PCDHA3: variants seen among roughly 807,000 people sequenced by gnomAD.
PCDHA3 encodes protocadherin alpha 3, also known as protocadherin alpha-3.
PCDHA3 carries 41 observed loss-of-function variants against 62.2 expected under a neutral mutation model. The ratio of observed to expected loss-of-function variants is 0.66; its 90% CI spans 0.51 to 0.86. PCDHA3 has a LOEUF of 0.86. PCDHA3 is among the 40% of genes least tolerant of loss of function. The pLI is 0.00. For synonymous variants in PCDHA3, 640 were observed against 555.4 expected, an observed-to-expected ratio of 1.15 and a Z score of -2.14; for missense variants, 1,304 against 1,241.2, an observed-to-expected ratio of 1.05 and a Z score of -0.76.
At chr5:140,843,515 T>TGCCGGGCGGGC in intron 1 of PCDHA3, 1 of 1,595,536 alleles carries the variant, frequency 6.3e-7, no homozygotes, top group Non-Finnish European at 8.6e-7. Context: ...TGAGGGCGGG[T>TGCCGGGCGGGC]GCCGGGCGGG....
At chr5:140,927,381 A>G in intron 1 of PCDHA3, 2 of 1,614,102 alleles carry the variant, frequency 1.2e-6, no homozygotes, top group Non-Finnish European at 1.7e-6. Flanking sequence ...GCTACAGCCT[A>G]AGCCCCAGTC....
rs543899552 is a variant in PCDHA3 at position 140,891,287 on chromosome 5, A to T, written c.2395-87662A>T. ...AATTTTTCCGTAAGTTATTGGGGGT[A>T]CAGGTGGTATTTGATTACATGAGTA... is the stretch of plus-strand genomic sequence containing the variant. On this transcript the variant is annotated intron_variant, in intron 1 of 3. Transcript: ENST00000522353. 3.9e-5 allele frequency among the ~76,000 whole-genome samples: 6 copies of T among 152,176 alleles called. No individual in the cohort carries two copies. In the South Asian group the frequency reaches 6.2e-4, roughly 16 times the overall value.
At chr5:140,930,832 T>A (rs1375434055) in intron 1 of PCDHA3, among the ~76,000 whole-genome samples, 1 of 152,226 alleles carries the variant, frequency 6.6e-6, no homozygotes, top group East Asian at 1.9e-4. Flanking sequence ...GCTGACTGAA[T>A]GAATAAATAT....
chr5:140,919,954 T>G (rs1159524037), intron 1 of PCDHA3, among the ~76,000 whole-genome samples: 2 of 149,936 alleles, frequency 1.3e-5, no homozygotes, highest in East Asian at 4.0e-4. Context: ...AAAAGTTTGT[T>G]TTGTTTTTTA....
In PCDHA3 at chr5:141,011,084, C is replaced by T. The variant is rs928216799; in HGVS notation, c.*1147C>T. 1.3e-5 allele frequency: 2 copies of T among 153,722 alleles called. No homozygotes were observed. The highest frequency in any genetic ancestry group is 6.5e-5 in the Admixed American group (1 of 15,272). The allele number at this position is 153,722 out of a possible 1,614,324, so 9.5% of individuals were successfully genotyped here. A position where few individuals can be genotyped will look rare whatever the true frequency, so the allele number is the denominator to read the frequency against. ...CATGTATTACTAAATAAAATGATCT[C>T]TCTTTCTCTCTCTCTCTCTCTTTTC... On this transcript the variant is annotated 3_prime_UTR_variant, in exon 4 of 4. Coordinates refer to ENST00000522353, the MANE Select transcript of PCDHA3 (RefSeq NM_018906.3).
intron 1 of PCDHA3, chr5:140,824,268 T>C: frequency 8.2e-7 from 1 of 1,223,618 alleles, no homozygotes; most frequent in Non-Finnish European, 1.2e-6. Context: ...CTAATTCATG[T>C]ATTATATGCT....
intron 1 of PCDHA3, chr5:140,926,610 C>A (rs2083401767): frequency 8.5e-6 from 3 of 352,484 alleles, no homozygotes; most frequent in African/African-American, 2.1e-5. Context: ...CTCGTCTCTG[C>A]ACCCCTAGGC....
intron 1 of PCDHA3, among the ~76,000 whole-genome samples, chr5:140,973,733 C>G (rs1273705154): frequency 6.6e-6 from 1 of 152,216 alleles, no homozygotes; most frequent in Non-Finnish European, 1.5e-5. Context: ...GGCATCTGGT[C>G]TAACTCAGAA....
At chr5:141,006,313 G>A (rs190584023) in intron 3 of PCDHA3, among the ~76,000 whole-genome samples, 18 of 152,072 alleles carry the variant, frequency 1.2e-4, no homozygotes, top group Admixed American at 1.1e-3. Context: ...CCGGGTTCAT[G>A]CCATTCTCCT....
intron 1 of PCDHA3, among the ~76,000 whole-genome samples, chr5:140,878,596 G>A (rs1352519824): frequency 6.6e-6 from 1 of 152,144 alleles, no homozygotes; most frequent in South Asian, 2.1e-4. Context: ...CTATTACCAA[G>A]TGAATCTTCT....
chr5:140,919,926 TG>T (rs1366281727), intron 1 of PCDHA3, among the ~76,000 whole-genome samples: 3 of 152,088 alleles, frequency 2.0e-5, no homozygotes, highest in African/African-American at 7.2e-5. Flanking sequence ...AATTTTCAGG[TG>T]GGGGCTAATT....
chr5:140,944,003 C>A (rs1185007409), intron 1 of PCDHA3, among the ~76,000 whole-genome samples: 11 of 152,038 alleles, frequency 7.2e-5, no homozygotes, highest in African/African-American at 2.2e-4. Flanking sequence ...CTACTGAGTA[C>A]CCCCCAAAAG....
chr5:140,877,074 G>A (rs1554169286), intron 1 of PCDHA3: 1 of 1,613,132 alleles, frequency 6.2e-7, no homozygotes, highest in Non-Finnish European at 8.5e-7. Flanking sequence ...TGCAGTTCCA[G>A]GTGAGCGCGC....
intron 1 of PCDHA3, chr5:140,969,086 G>A: frequency 6.2e-7 from 1 of 1,614,190 alleles, no homozygotes; most frequent in Non-Finnish European, 8.5e-7. Context: ...TGGCCTCAAA[G>A]TGCAGCCTCA....
chr5:140,931,966 A>G (rs1554208694), intron 1 of PCDHA3, among the ~76,000 whole-genome samples: 1 of 151,950 alleles, frequency 6.6e-6, no homozygotes, highest in African/African-American at 2.4e-5. Context: ...ATGTTGATGC[A>G]TATGTGTTTA....
At chr5:140,966,208 T>G (rs993246205) in intron 1 of PCDHA3, 2 of 231,366 alleles carry the variant, frequency 8.6e-6, no homozygotes, top group Admixed American at 1.1e-4. Flanking sequence ...TTGACTGCTT[T>G]TCCCAGACTA....
chr5:140,849,581 C>A, intron 1 of PCDHA3: 7 of 1,598,698 alleles, frequency 4.4e-6, no homozygotes, highest in African/African-American at 2.7e-5. Flanking sequence ...TAAAAGAGGA[C>A]GCACAACTGG....
chr5:140,857,442 A>G (rs1554150038), intron 1 of PCDHA3: 1 of 1,598,266 alleles, frequency 6.3e-7, no homozygotes, highest in African/African-American at 1.3e-5. Flanking sequence ...TTCGTGAAGG[A>G]GAACAACCCG....
intron 1 of PCDHA3, chr5:140,928,375 T>C: frequency 6.2e-7 from 1 of 1,614,184 alleles, no homozygotes. Context: ...GCCATCAGCC[T>C]CTAGCTTGCT....
Sources: gnomAD v4.1 joint callset for allele counts (sites outside exome capture counted in the v4.1 genomes callset) on GRCh38, gnomAD v4.1.1 for gene constraint, MANE v1.5 for transcripts, NCBI Gene and HGNC (gene_info 2026-07-23, HGNC 2026-07-21) for gene names.